KANK1: variants seen among roughly 807,000 people sequenced by gnomAD.
KANK1 encodes KN motif and ankyrin repeat domains 1.
In KANK1, 109 loss-of-function variants were observed where a neutral mutation model predicts 106.2. That is an observed-to-expected ratio of 1.03 (90% CI 0.88 to 1.20). The LOEUF (loss-of-function observed/expected upper bound fraction) is 1.20. Ranked by LOEUF, KANK1 falls within the 50% of genes most tolerant of loss-of-function variation. The pLI is 0.00. For synonymous variants in KANK1, 873 were observed against 652.2 expected (o/e 1.34, Z -5.16); for missense variants, 2,399 against 1,710.7 (o/e 1.40, Z -7.10).
At chr9:578,872 A>G (rs1024133798) in intron 1 of KANK1, among the ~76,000 whole-genome samples, 1 of 152,206 alleles carries the variant, frequency 6.6e-6, no homozygotes, top group Non-Finnish European at 1.5e-5. Context: ...AGCTATGCTA[A>G]AAATCCCATC....
At chr9:696,956 G>A (rs1222987313) in intron 2 of KANK1, among the ~76,000 whole-genome samples, 1 of 152,080 alleles carries the variant, frequency 6.6e-6, no homozygotes, top group Non-Finnish European at 1.5e-5. Context: ...ATGAAGAAAG[G>A]AAAGACAGAA....
chr9:484,209 G>A (rs1446515522), intron 3 of KANK1: 1 of 152,224 alleles, frequency 6.6e-6, no homozygotes, highest in Non-Finnish European at 1.5e-5. Context: ...ATGACAGCCA[G>A]ATTTGTTAAA....
At chr9:715,093 AATT>A (rs1181413928) in intron 3 of KANK1, among the ~76,000 whole-genome samples, 2 of 152,176 alleles carry the variant, frequency 1.3e-5, no homozygotes, top group Admixed American at 6.5e-5. Context: ...TTCAAACCTG[AATT>A]ATTGTTAGTT....
At chr9:550,739 G>A (rs1049877740) in intron 1 of KANK1, among the ~76,000 whole-genome samples, 76 of 152,196 alleles carry the variant, frequency 5.0e-4, no homozygotes, top group African/African-American at 1.6e-3. Context: ...GATGTTTGGC[G>A]GTGTGGGAGT....
intron 2 of KANK1, among the ~76,000 whole-genome samples, chr9:701,299 G>A (rs55712393): frequency 2.6e-3 from 399 of 152,256 alleles, no homozygotes; most frequent in African/African-American, 8.9e-3. Context: ...TTTTAGTAGA[G>A]GTGGGGTTTC....
At chr9:526,846 A>T (rs1160763007) in intron 1 of KANK1, among the ~76,000 whole-genome samples, 2 of 151,630 alleles carry the variant, frequency 1.3e-5, no homozygotes, top group Non-Finnish European at 2.9e-5. Context: ...TCAATTTTGG[A>T]TATTTACTTT....
At chr9:512,065 A>G (rs962298764) in intron 1 of KANK1, among the ~76,000 whole-genome samples, 8 of 152,130 alleles carry the variant, frequency 5.3e-5, no homozygotes, top group African/African-American at 1.4e-4. Flanking sequence ...TGGGCTCAGC[A>G]ATGACTGTTG....
intron 3 of KANK1, among the ~76,000 whole-genome samples, chr9:718,298 C>G (rs915984863): frequency 2.7e-5 from 2 of 74,088 alleles, no homozygotes; most frequent in African/African-American, 1.1e-4. Context: ...CTTGCTGTGT[C>G]TTTTTTTTTT....
At chr9:718,324 T>TTTTTA (rs869182633) in intron 3 of KANK1, among the ~76,000 whole-genome samples, 2 of 132,128 alleles carry the variant, frequency 1.5e-5, no homozygotes, top group East Asian at 6.1e-4. Flanking sequence ...TTTTTTTTTT[T>TTTTTA]ACTCTTAAGA....
chr9:527,010 T>A (rs2059821640), intron 1 of KANK1, among the ~76,000 whole-genome samples: 1 of 151,780 alleles, frequency 6.6e-6, no homozygotes, highest in Non-Finnish European at 1.5e-5. Flanking sequence ...GACATGTAAT[T>A]TAAATATTTC....
chr9:493,835 C>T (rs1339653266), intron 3 of KANK1, among the ~76,000 whole-genome samples: 2 of 151,900 alleles, frequency 1.3e-5, no homozygotes, highest in African/African-American at 4.8e-5. Flanking sequence ...GCATGAGCCA[C>T]CGCGCCTGGC....
chr9:662,490 T>C (rs1229711896), intron 1 of KANK1, among the ~76,000 whole-genome samples: 1 of 151,892 alleles, frequency 6.6e-6, no homozygotes, highest in African/African-American at 2.4e-5. Context: ...TAGACACTAA[T>C]GGAATGGAAC....
intron 1 of KANK1, among the ~76,000 whole-genome samples, chr9:559,856 C>A (rs1228824210): frequency 6.6e-6 from 1 of 152,188 alleles, no homozygotes; most frequent in African/African-American, 2.4e-5. Context: ...CCCCTTCACA[C>A]ATACTCTGTT....
At chr9:516,703 AC>A (rs1183507764) in intron 1 of KANK1, among the ~76,000 whole-genome samples, 1 of 151,626 alleles carries the variant, frequency 6.6e-6, no homozygotes, top group Non-Finnish European at 1.5e-5. Flanking sequence ...GAGGGGAGTT[AC>A]TAGGTTATAC....
chr9:639,931 G>GT (rs905064782), intron 1 of KANK1, among the ~76,000 whole-genome samples: 1 of 152,144 alleles, frequency 6.6e-6, no homozygotes, highest in African/African-American at 2.4e-5. Context: ...AATCCCATTT[G>GT]TGAGGGTTCT....
intron 1 of KANK1, among the ~76,000 whole-genome samples, chr9:619,207 T>C (rs976128113): frequency 1.3e-5 from 2 of 152,206 alleles, no homozygotes; most frequent in Non-Finnish European, 2.9e-5. Context: ...TACAGTGCTT[T>C]TGAATTTCAG....
In KANK1 at chr9:662,615, A is replaced by G. The variant is rs371867209; in HGVS notation, c.-83-14275A>G. Among the ~76,000 whole-genome samples, 27 of 152,172 alleles carry G rather than the reference A, an allele frequency of 1.8e-4. No individual in the cohort carries two copies. In the East Asian group the frequency reaches 2.5e-3, roughly 14 times the overall value. On this transcript the variant is annotated intron_variant, in intron 1 of 11. Coordinates refer to ENST00000382297, the MANE Select transcript of KANK1 (RefSeq NM_015158.5). ...GGGGCTGGGAAAACTGGCTAACTAT[A>G]TTTAGAAAGCTGAAACTGCATCCCT...
chr9:669,681 TTTA>T (rs1429188388), intron 1 of KANK1, among the ~76,000 whole-genome samples: 1 of 152,142 alleles, frequency 6.6e-6, no homozygotes, highest in Non-Finnish European at 1.5e-5. Context: ...CTTTGAGAGT[TTTA>T]TTATTATATG....
At chr9:655,122 C>T (rs1177360989) in intron 1 of KANK1, among the ~76,000 whole-genome samples, 1 of 152,118 alleles carries the variant, frequency 6.6e-6, no homozygotes, top group African/African-American at 2.4e-5. Context: ...GTAACCCCAG[C>T]ACTCTAGGAG....
Sources: allele counts gnomAD v4.1 joint callset (sites outside exome capture counted in the v4.1 genomes callset), GRCh38; gene constraint gnomAD v4.1.1; transcripts MANE v1.5; gene names NCBI Gene and HGNC (gene_info 2026-07-23, HGNC 2026-07-21).